FAM53A: variants seen among roughly 807,000 people sequenced by gnomAD.
FAM53A encodes protein FAM53A.
Under a neutral mutation model 26.6 loss-of-function variants are expected in FAM53A, and 28 were observed. The ratio of observed to expected loss-of-function variants is 1.05; its 90% confidence interval spans 0.78 to 1.45. The LOEUF is 1.45. Ranked by LOEUF, FAM53A falls within the 40% of genes most tolerant of loss-of-function variation. The pLI, the probability that FAM53A is intolerant of heterozygous loss-of-function variation, is 0.00. For missense variants in FAM53A, 650 were observed against 575.8 expected, an observed-to-expected ratio of 1.13 and a Z score of -1.32; for synonymous variants, 290 against 253.1, an observed-to-expected ratio of 1.15 and a Z score of -1.38.
At chr4:1,585,007 T>C in the FAM53A span, among the ~76,000 whole-genome samples, 4 of 152,240 alleles carry the variant, frequency 2.6e-5, no homozygotes, top group Non-Finnish European at 4.4e-5. Context: ...ATATGTTTAC[T>C]ATGTACAAGA....
chr4:1,635,040 A>G (rs544409510), downstream of FAM53A, among the ~76,000 whole-genome samples: 2 of 152,166 alleles, frequency 1.3e-5, no homozygotes, highest in African/African-American at 4.8e-5. Context: ...GTTTTTAGCA[A>G]TTTTTTCCAG....
At chr4:1,660,337 C>T (rs775874799) in intron 2 of FAM53A, among the ~76,000 whole-genome samples, 3 of 130,036 alleles carry the variant, frequency 2.3e-5, no homozygotes, top group Non-Finnish European at 4.8e-5. Flanking sequence ...CAGGGAAATC[C>T]GGGAAATCCC....
the FAM53A span, among the ~76,000 whole-genome samples, chr4:1,593,346 C>T: frequency 2.6e-5 from 4 of 152,128 alleles, no homozygotes; most frequent in Non-Finnish European, 4.4e-5. Context: ...GACCGCGGCC[C>T]GGAGCCACGC....
intron 1 of FAM53A, among the ~76,000 whole-genome samples, chr4:1,672,709 G>A (rs962062853): frequency 6.7e-5 from 10 of 148,612 alleles, no homozygotes; most frequent in Non-Finnish European, 1.2e-4. Context: ...TGAACACCCC[G>A]AGAGCCTCCT....
At chr4:1,647,662 C>T (rs1055723287) in intron 4 of FAM53A, among the ~76,000 whole-genome samples, 1 of 152,274 alleles carries the variant, frequency 6.6e-6, no homozygotes, top group Non-Finnish European at 1.5e-5. Context: ...CAGGTGCAAG[C>T]ACAGCACAGC....
chr4:1,605,292 C>T, the FAM53A span, among the ~76,000 whole-genome samples: 1 of 152,164 alleles, frequency 6.6e-6, no homozygotes, highest in East Asian at 1.9e-4. The surrounding 1 kb of genome is among the most constrained non-coding windows in gnomAD (Gnocchi z 5.7). Flanking sequence ...ACTCCCAGCG[C>T]AGCCTCCCCA....
At chr4:1,620,577 T>C (rs1396011658) in intron 1 of FAM53A, among the ~76,000 whole-genome samples, 3 of 151,238 alleles carry the variant, frequency 2.0e-5, no homozygotes, top group Non-Finnish European at 4.4e-5. Flanking sequence ...TCCCAGCTAC[T>C]TGGGAGGCTG....
intron 2 of FAM53A, among the ~76,000 whole-genome samples, chr4:1,668,148 CT>C (rs71167745): frequency 6.8e-6 from 1 of 148,122 alleles, no homozygotes. Context: ...AGTCAAGGCT[CT>C]TTTTTTTTTT....
At chr4:1,621,294 C>T (rs11723277) in intron 1 of FAM53A, among the ~76,000 whole-genome samples, 4,013 of 152,000 alleles carry the variant, frequency 0.026, 96 homozygotes, top group Admixed American at 0.073. Context: ...TTAGTAGAGA[C>T]GGGGTTTCAC....
the FAM53A span, among the ~76,000 whole-genome samples, chr4:1,591,061 T>C: frequency 6.7e-6 from 1 of 148,982 alleles, no homozygotes; most frequent in Non-Finnish European, 1.5e-5. Flanking sequence ...TTCTTCTTTG[T>C]CTTTTGTGAT....
At chr4:1,672,088 A>G (rs921116988) in intron 1 of FAM53A, among the ~76,000 whole-genome samples, 1 of 138,206 alleles carries the variant, frequency 7.2e-6, no homozygotes, top group Admixed American at 7.1e-5. Flanking sequence ...GAACCCACGA[A>G]CCCACGAACC....
intron 4 of FAM53A, among the ~76,000 whole-genome samples, chr4:1,652,834 ACCACACG>A (rs1712985553): frequency 7.1e-6 from 1 of 140,980 alleles, no homozygotes. Flanking sequence ...CCCACCACAC[ACCACACG>A]CTACACACCA....
At chr4:1,592,896 G>C in the FAM53A span, among the ~76,000 whole-genome samples, 4 of 151,952 alleles carry the variant, frequency 2.6e-5, no homozygotes, top group Non-Finnish European at 5.9e-5. Flanking sequence ...GGCGTCTGCA[G>C]GGCACATGGC....
chr4:1,610,752 G>C, the FAM53A span, among the ~76,000 whole-genome samples: 1 of 152,136 alleles, frequency 6.6e-6, no homozygotes, highest in Non-Finnish European at 1.5e-5. Flanking sequence ...GCACCTCCCA[G>C]GCTCTCCCCC....
chr4:1,630,200 G>A lies in FAM53A; in HGVS notation c.432-12089C>T, dbSNP rs1715550606. On this transcript the variant is annotated intron_variant, in intron 1 of 1. Transcript: ENST00000489029. This position sits in a 1 kb window ranked among gnomAD's most constrained non-coding sequence, Gnocchi z 4.3. ...CTTCCAAGCTGTCGGAGCTGCCCACGAGGCAGGTGCACAAGACAGCCTGGC... is the reference window on the plus strand; with the variant it reads ...CTTCCAAGCTGTCGGAGCTGCCCACAAGGCAGGTGCACAAGACAGCCTGGC... Among the ~76,000 whole-genome samples the A allele has an allele frequency of 6.6e-6, 1 of 152,158 alleles. No individual in the cohort carries two copies. Among genetic ancestry groups the A allele is most frequent in the African/African-American group, 2.4e-5 (1 of 41,442 alleles).
downstream of FAM53A, among the ~76,000 whole-genome samples, chr4:1,636,248 A>C (rs1006953710): frequency 1.3e-5 from 2 of 152,184 alleles, no homozygotes; most frequent in African/African-American, 4.8e-5. Flanking sequence ...GTGATTTCCC[A>C]GCTGGGTGAG....
the FAM53A span, among the ~76,000 whole-genome samples, chr4:1,610,022 T>G: frequency 6.6e-6 from 1 of 152,020 alleles, no homozygotes; most frequent in Non-Finnish European, 1.5e-5. Flanking sequence ...AGCATGAGAA[T>G]GGACTAATAT....
At chr4:1,684,540 G>C (rs1294284424), upstream of FAM53A, among the ~76,000 whole-genome samples, 2 of 151,512 alleles carry the variant, frequency 1.3e-5, no homozygotes, top group African/African-American at 4.8e-5. Context: ...CCGGATCGAC[G>C]CCCCGCCCCC....
intron 1 of FAM53A, among the ~76,000 whole-genome samples, chr4:1,682,539 G>T (rs1424644359): frequency 6.6e-6 from 1 of 152,130 alleles, no homozygotes; most frequent in Non-Finnish European, 1.5e-5. Flanking sequence ...GGGATTACAG[G>T]TGTGAGCCAC....
Sources: gnomAD v4.1 joint callset for allele counts (sites outside exome capture counted in the v4.1 genomes callset) on GRCh38, gnomAD v4.1.1 for gene constraint, Gnocchi (gnomAD v3.1) non-coding constraint, MANE v1.5 for transcripts, NCBI Gene and HGNC (gene_info 2026-07-23, HGNC 2026-07-21) for gene names.